GNA12: variants seen among roughly 807,000 people sequenced by gnomAD.
GNA12 encodes G protein subunit alpha 12.
In GNA12, 9 loss-of-function variants were observed where a neutral mutation model predicts 26.0. The ratio of observed to expected loss-of-function variants is 0.35; its 90% CI spans 0.21 to 0.60. The LOEUF (loss-of-function observed/expected upper bound fraction) is 0.60, where lower values mean the gene tolerates loss of function less well. GNA12 is among the 20% of genes least tolerant of loss of function. The pLI is 0.78. For missense variants in GNA12, 405 were observed against 525.8 expected (o/e 0.77, Z 2.25); for synonymous variants, 264 against 219.6 (o/e 1.20, Z -1.79).
intron 2 of GNA12, among the ~76,000 whole-genome samples, chr7:2,770,049 G>A (rs1405742834): frequency 6.6e-6 from 1 of 152,178 alleles, no homozygotes; most frequent in African/African-American, 2.4e-5. Context: ...GACATGCAGA[G>A]CTAAGATTCA....
At chr7:2,758,642 G>A (rs1418372496) in intron 2 of GNA12, among the ~76,000 whole-genome samples, 1 of 152,152 alleles carries the variant, frequency 6.6e-6, no homozygotes, top group Non-Finnish European at 1.5e-5. Flanking sequence ...AAAGGGTCTC[G>A]GGGGCCCCCA....
chr7:2,833,865 G>A (rs940896494), intron 1 of GNA12, among the ~76,000 whole-genome samples: 3 of 152,128 alleles, frequency 2.0e-5, no homozygotes, highest in African/African-American at 4.8e-5. Flanking sequence ...AACAGCAGAG[G>A]AGGCTGCTTC....
intron 2 of GNA12, among the ~76,000 whole-genome samples, chr7:2,793,101 G>A (rs1470666240): frequency 2.0e-5 from 3 of 152,194 alleles, no homozygotes; most frequent in Non-Finnish European, 2.9e-5. Context: ...TCCTGATGAC[G>A]AGAAAATACC....
In GNA12 at chr7:2,830,958, AAAAAC is replaced by A. The variant is rs1793592059; in HGVS notation, c.309+12890_309+12894del. 2.0e-5 allele frequency among the ~76,000 whole-genome samples: 3 copies of A among 152,064 alleles called. No homozygotes were observed. The South Asian group carries it at 6.3e-4, about 32-fold the overall frequency. On this transcript the variant is annotated intron_variant, in intron 1 of 3. Transcript: ENST00000275364. The stretch of plus-strand genomic sequence containing the variant: ...CCTGTCTCAAAAAAATTAATGAAAA[AAAAAC>A]AAAAAACAAAAGCTCCCAATGCACA...
At chr7:2,739,597 T>C (rs1790396462) in intron 2 of GNA12, among the ~76,000 whole-genome samples, 1 of 152,212 alleles carries the variant, frequency 6.6e-6, no homozygotes, top group African/African-American at 2.4e-5. Flanking sequence ...TACAAACAGC[T>C]GTGTGGAAGT....
At chr7:2,748,279 C>A (rs1790864626) in intron 2 of GNA12, among the ~76,000 whole-genome samples, 1 of 152,072 alleles carries the variant, frequency 6.6e-6, no homozygotes, top group Non-Finnish European at 1.5e-5. Context: ...GCTACAGTAA[C>A]CAAAACAGCA....
At chr7:2,820,967 C>G (rs545806611) in intron 1 of GNA12, among the ~76,000 whole-genome samples, 1 of 152,348 alleles carries the variant, frequency 6.6e-6, no homozygotes, top group South Asian at 2.1e-4. Context: ...TCTTGAACTG[C>G]TGACTTCAAG....
Position 2,731,441 on chromosome 7 carries a change from T to C in GNA12, c.886A>G (p.Asn296Asp). The C allele has an allele frequency of 6.2e-7, 1 of 1,613,748 alleles. No individual in the cohort carries two copies. Among genetic ancestry groups the C allele is most frequent in the Non-Finnish European group, 8.5e-7 (1 of 1,179,790 alleles). ...FFNVSIILFL[N>D]KMDLLVEKVK... ...TTCTCCACCAGGAGGTCCATCTTGT[T>C]GAGGAAGAGAATGATGGAGACGTTG... The change falls in exon 4 of 4, where the codon AAC (asparagine) becomes GAC (aspartate). Residue 296 changes from asparagine (N) to aspartate (D), a missense_variant. Transcript: ENST00000275364. The surrounding 1 kb of genome is among the most constrained non-coding windows in gnomAD (Gnocchi z 6.0).
intron 2 of GNA12, among the ~76,000 whole-genome samples, chr7:2,766,047 T>G (rs764075008): frequency 1.3e-5 from 2 of 152,172 alleles, no homozygotes; most frequent in African/African-American, 2.4e-5. Context: ...CATATTAACG[T>G]TGTTGTGAAA....
intron 1 of GNA12, among the ~76,000 whole-genome samples, chr7:2,829,297 G>C (rs1295527823): frequency 6.6e-6 from 1 of 152,146 alleles, no homozygotes; most frequent in Admixed American, 6.5e-5. Context: ...CTCTGTCGGA[G>C]AGATAAGAAA....
chr7:2,793,921 T>C (rs1285364026), intron 2 of GNA12, among the ~76,000 whole-genome samples: 3 of 141,780 alleles, frequency 2.1e-5, no homozygotes, highest in African/African-American at 7.9e-5. Context: ...ACGTTTCCAA[T>C]AGCAAAATAT....
At chr7:2,739,149 G>C (rs1319769137) in intron 2 of GNA12, among the ~76,000 whole-genome samples, 2 of 152,204 alleles carry the variant, frequency 1.3e-5, no homozygotes, top group South Asian at 2.1e-4. Context: ...CCTTGCCTGG[G>C]TTCTTCCTTT....
chr7:2,776,286 T>A (rs1171555585), intron 2 of GNA12, among the ~76,000 whole-genome samples: 1 of 152,202 alleles, frequency 6.6e-6, no homozygotes, highest in African/African-American at 2.4e-5. Context: ...TGGGCTTTGC[T>A]TGCCTGGTGG....
At chr7:2,774,456 G>T (rs535740825) in intron 2 of GNA12, among the ~76,000 whole-genome samples, 4 of 152,252 alleles carry the variant, frequency 2.6e-5, no homozygotes, top group African/African-American at 9.6e-5. Flanking sequence ...CAGGCAGAAG[G>T]AACAGCAAGC....
rs1302548982 is a variant in GNA12 at position 2,729,250 on chromosome 7, G to C, written c.*1931C>G. The C allele has an allele frequency of 6.6e-6, 1 of 152,378 alleles. No homozygotes were observed. The highest frequency in any genetic ancestry group is 1.9e-4 in the East Asian group (1 of 5,316). 9.4% of individuals were successfully genotyped at this position (152,378 alleles called of 1,614,324 possible). A position where few individuals can be genotyped will look rare whatever the true frequency, so the allele number is the denominator to read the frequency against. The stretch of plus-strand genomic sequence containing the variant: ...AAAGCTGACCCAGAAGGCAAACAAA[G>C]CTCACCACGCTCCGGACCGGGCTGC... On this transcript the variant is annotated 3_prime_UTR_variant, in exon 4 of 4. Coordinates refer to ENST00000275364, the MANE Select transcript of GNA12 (RefSeq NM_007353.3).
At chr7:2,781,449 T>TGTGTGTG (rs397971357) in intron 2 of GNA12, among the ~76,000 whole-genome samples, 1 of 144,956 alleles carries the variant, frequency 6.9e-6, no homozygotes, top group East Asian at 2.0e-4. Flanking sequence ...TGTGTGTGTG[T>TGTGTGTG]AGGGTACAAT....
chr7:2,765,602 G>A (rs1791774910), intron 2 of GNA12, among the ~76,000 whole-genome samples: 1 of 151,438 alleles, frequency 6.6e-6, no homozygotes, highest in Non-Finnish European at 1.5e-5. Context: ...AGGGAGTTCT[G>A]TATCCTGTGT....
At chr7:2,755,343 G>T (rs958958223) in intron 2 of GNA12, among the ~76,000 whole-genome samples, 8 of 152,236 alleles carry the variant, frequency 5.3e-5, no homozygotes, top group African/African-American at 1.9e-4. Context: ...GTATCAATCA[G>T]GGGAGAACAG....
chr7:2,800,457 G>C (rs1429540269), intron 1 of GNA12, among the ~76,000 whole-genome samples: 3 of 152,212 alleles, frequency 2.0e-5, no homozygotes, highest in African/African-American at 7.2e-5. Flanking sequence ...GTGTCCCAAA[G>C]CCCGTCTCCT....
Sources: allele counts gnomAD v4.1 joint callset (sites outside exome capture counted in the v4.1 genomes callset), GRCh38; gene constraint gnomAD v4.1.1; non-coding constraint Gnocchi (gnomAD v3.1); transcripts MANE v1.5; gene names NCBI Gene and HGNC (gene_info 2026-07-23, HGNC 2026-07-21).